RIF1: variants seen among roughly 807,000 people sequenced by gnomAD.
RIF1 encodes the protein replication timing regulatory factor 1.
Under a neutral mutation model 247.1 loss-of-function variants are expected in RIF1, and 45 were observed. The observed-to-expected ratio is 0.18, with a 90% CI of 0.14 to 0.23. RIF1 has a LOEUF of 0.23. Among genes scored for constraint, RIF1 ranks in the 10% least tolerant of loss-of-function variants. The probability of loss-of-function intolerance (pLI) is 1.00; values close to 1 mark genes in which losing one functional copy is unlikely to be tolerated. For missense variants in RIF1, 2,967 were observed against 2,862.5 expected, an observed-to-expected ratio of 1.04 and a Z score of -0.83; for synonymous variants, 1,087 against 978.8, an observed-to-expected ratio of 1.11 and a Z score of -2.06.
intron 16 of RIF1, among the ~76,000 whole-genome samples, chr2:151,442,445 T>C (rs1401464452): frequency 6.6e-6 from 1 of 151,170 alleles, no homozygotes; most frequent in East Asian, 1.9e-4. Context: ...GTATTGGATT[T>C]GAAGTATATT....
chr2:151,460,165 T>C, intron 26 of RIF1, 46 bp downstream of exon 26: 2 of 1,373,270 alleles, frequency 1.5e-6, no homozygotes, highest in African/African-American at 1.5e-5. Context: ...TAAAGTATAT[T>C]GTAACTTACA....
rs1696520375 is a variant in RIF1, at chr2:151,463,697, A to G, written c.4177A>G (p.Ile1393Val). 4 of 1,613,992 alleles carry G rather than the reference A, an allele frequency of 2.5e-6. No homozygotes were observed. Among genetic ancestry groups the G allele is most frequent in the African/African-American group, 2.7e-5 (2 of 75,060 alleles). Reference sequence around the variant, plus strand: ...CAAAGAGAATACACCCCCAGTAGTAATATCAGCAGATCAAATGGTAAATGA... The same window carrying G: ...CAAAGAGAATACACCCCCAGTAGTAGTATCAGCAGATCAAATGGTAAATGA... ...ESKENTPPVV[I>V]SADQMVNEDS... Residue 1393 changes from isoleucine (I) to valine (V), a missense_variant, in exon 30 of 36, where the codon ATA (isoleucine) becomes GTA (valine). Transcript: ENST00000444746.
At chr2:151,454,407 G>C (rs1003089925) in intron 21 of RIF1, among the ~76,000 whole-genome samples, 4 of 152,006 alleles carry the variant, frequency 2.6e-5, no homozygotes, top group Non-Finnish European at 5.9e-5. Context: ...TCTCAGCTTT[G>C]TATCTCTGAC....
In RIF1 at chr2:151,480,799, GAAAAC is replaced by G. The variant is rs1231389201; in HGVS notation, c.*5731_*5735del. ...TTTATAGAATAGGAAGTTTCTAAAA[GAAAAC>G]AATTAAGAGCAAAATTGGTTTTGAG... On this transcript the variant is annotated 3_prime_UTR_variant, in exon 36 of 36. Coordinates refer to ENST00000444746, the MANE Select transcript of RIF1 (RefSeq NM_018151.5). 1 of 152,050 alleles carries G rather than the reference GAAAAC, an allele frequency of 6.6e-6. No individual in the cohort carries two copies. The highest frequency in any genetic ancestry group is 1.5e-5 in the Non-Finnish European group (1 of 67,976). The allele number at this position is 152,050 out of a possible 1,614,324, so 9.4% of individuals were successfully genotyped here.
At chr2:151,455,786 C>CTAA (rs1338010908) in intron 22 of RIF1, among the ~76,000 whole-genome samples, 9 of 152,228 alleles carry the variant, frequency 5.9e-5, no homozygotes, top group African/African-American at 2.2e-4. Context: ...CCATGCCCAG[C>CTAA]TAATACCCCA....
chr2:151,429,896 T>C (rs1277667348), intron 9 of RIF1, among the ~76,000 whole-genome samples: 3 of 152,230 alleles, frequency 2.0e-5, no homozygotes, highest in Non-Finnish European at 4.4e-5. Context: ...ACACTGTATG[T>C]TTACAAGAGC....
the RIF1 span, chr2:151,525,183 C>T: frequency 3.7e-6 from 6 of 1,613,872 alleles, no homozygotes; most frequent in East Asian, 4.5e-5. Flanking sequence ...TTCTTGGCCA[C>T]TTCCATAGCA....
chr2:151,416,814 G>A lies in RIF1; in HGVS notation c.416G>A (p.Ser139Asn), dbSNP rs138020851. The A allele has an allele frequency of 2.2e-5, 36 of 1,609,824 alleles. No homozygotes were observed. The South Asian group carries it at 3.7e-4, about 16-fold the overall frequency. The change falls in exon 6 of 36, where the codon AGT (serine) becomes AAT (asparagine). Residue 139 changes from serine (S) to asparagine (N), a missense_variant. This residue lies in a region of RIF1 where 269 missense variants were observed against 288.6 expected (regional missense o/e 0.93). Coordinates refer to ENST00000444746, the MANE Select transcript of RIF1 (RefSeq NM_018151.5). ...ATTTGGTTCGTTTTTTAGGTATCCA[G>A]TATAATTGATTCATTAGAAATACTG... ...PSEVVGKMVSSIIDSLEILFN... is the reference protein window; with the variant it reads ...PSEVVGKMVSNIIDSLEILFN...
chr2:151,485,101 T>A (rs1289549714), downstream of RIF1, among the ~76,000 whole-genome samples: 1 of 152,228 alleles, frequency 6.6e-6, no homozygotes, highest in African/African-American at 2.4e-5. Flanking sequence ...TGGATACAGA[T>A]GGGAAAGATG....
chr2:151,514,687 C>G, the RIF1 span: 1 of 685,622 alleles, frequency 1.5e-6, no homozygotes, highest in African/African-American at 1.8e-5. Flanking sequence ...GTGGTAGTAC[C>G]AAGCACATGA....
the RIF1 span, chr2:151,518,368 C>A: frequency 6.2e-7 from 1 of 1,612,562 alleles, no homozygotes; most frequent in Non-Finnish European, 8.5e-7. Flanking sequence ...TCCAGATTAT[C>A]GGGTATGGTG....
At chr2:151,526,005 T>A in the RIF1 span, 11 of 1,613,870 alleles carry the variant, frequency 6.8e-6, no homozygotes, top group African/African-American at 1.3e-4. Flanking sequence ...GTGTCCCGGG[T>A]CTCTGGTAGT....
chr2:151,472,369 T>C (rs1356901711), intron 34 of RIF1, among the ~76,000 whole-genome samples: 10 of 152,184 alleles, frequency 6.6e-5, no homozygotes, highest in Non-Finnish European at 1.5e-4. Context: ...TATTTCTTTC[T>C]CTTGCCTGAT....
the RIF1 span, chr2:151,516,613 A>G: frequency 8.2e-7 from 1 of 1,217,238 alleles, no homozygotes; most frequent in Non-Finnish European, 1.2e-6. Flanking sequence ...CAATTCCTAG[A>G]CAGCAGTTTA....
the RIF1 span, among the ~76,000 whole-genome samples, chr2:151,516,010 A>G: frequency 1.3e-5 from 2 of 152,218 alleles, no homozygotes; most frequent in Admixed American, 1.3e-4. Context: ...CAATTCTAAA[A>G]TAACGAATAT....
the RIF1 span, chr2:151,526,002 G>A: frequency 5.0e-6 from 8 of 1,613,962 alleles, no homozygotes; most frequent in African/African-American, 1.3e-5. Flanking sequence ...ACAGTGTCCC[G>A]GGTCTCTGGT....
the RIF1 span, chr2:151,524,751 C>T: frequency 1.4e-6 from 1 of 695,532 alleles, no homozygotes; most frequent in Non-Finnish European, 2.3e-6. Flanking sequence ...ACTGCAACTT[C>T]TGTCTCCCGG....
chr2:151,436,404 T>C (rs1450167275), intron 11 of RIF1, among the ~76,000 whole-genome samples: 1 of 151,866 alleles, frequency 6.6e-6, no homozygotes, highest in East Asian at 1.9e-4. Context: ...CTGAGCACAG[T>C]GGTATCCATC....
At chr2:151,426,233 G>T (rs1689077139) in intron 8 of RIF1, among the ~76,000 whole-genome samples, 1 of 129,524 alleles carries the variant, frequency 7.7e-6, no homozygotes, top group Non-Finnish European at 1.6e-5. Flanking sequence ...GGAGTGCAGT[G>T]GCGTGATCTC....
Sources: allele counts gnomAD v4.1 joint callset (sites outside exome capture counted in the v4.1 genomes callset), GRCh38; gene constraint gnomAD v4.1.1; regional missense constraint gnomAD v4.1.1; transcripts MANE v1.5; gene names NCBI Gene and HGNC (gene_info 2026-07-23, HGNC 2026-07-21).